Variants in ABTB2 observed in about 807,000 individuals in gnomAD.
ABTB2 encodes ankyrin repeat and BTB/POZ domain-containing protein 2.
Under a neutral mutation model 104.1 loss-of-function variants are expected in ABTB2, and 56 were observed. The observed-to-expected ratio is 0.54, with a 90% CI of 0.43 to 0.67. The LOEUF (loss-of-function observed/expected upper bound fraction) is 0.67. Ranked by LOEUF, ABTB2 falls within the 30% of genes least tolerant of loss-of-function variation. The probability of loss-of-function intolerance (pLI) is 0.00; values close to 1 mark genes in which losing one functional copy is unlikely to be tolerated. For synonymous variants in ABTB2, 606 were observed against 608.2 expected (o/e 1.00, Z 0.05); for missense variants, 1,279 against 1,407.7 (o/e 0.91, Z 1.46).
intron 1 of ABTB2, among the ~76,000 whole-genome samples, chr11:34,282,698 T>C (rs1290010326): frequency 1.3e-5 from 2 of 151,482 alleles, no homozygotes; most frequent in African/African-American, 4.9e-5. Flanking sequence ...GGCTAATTTT[T>C]TTTTCTTTTT....
chr11:34,311,445 C>G (rs1187152492), intron 1 of ABTB2, among the ~76,000 whole-genome samples: 2 of 152,236 alleles, frequency 1.3e-5, no homozygotes, highest in African/African-American at 2.4e-5. Context: ...TAAGCTCACT[C>G]TAAAAACATC....
At chr11:34,293,215 T>A (rs1259488067) in intron 1 of ABTB2, among the ~76,000 whole-genome samples, 2 of 152,060 alleles carry the variant, frequency 1.3e-5, no homozygotes, top group African/African-American at 2.4e-5. Flanking sequence ...TGCCATTTAC[T>A]GATGTCGAGG....
chr11:34,291,821 A>T (rs987563774), intron 1 of ABTB2, among the ~76,000 whole-genome samples: 115 of 152,204 alleles, frequency 7.6e-4, no homozygotes, highest in African/African-American at 2.6e-3. Flanking sequence ...TTTAATTTTT[A>T]AAAAATTATT....
chr11:34,327,176 T>C (rs1228653892), intron 1 of ABTB2, among the ~76,000 whole-genome samples: 1 of 152,234 alleles, frequency 6.6e-6, no homozygotes, highest in Non-Finnish European at 1.5e-5. Flanking sequence ...GAAACTCACT[T>C]GGAATACGAT....
intron 3 of ABTB2, among the ~76,000 whole-genome samples, chr11:34,196,761 A>G (rs1336796288): frequency 6.6e-6 from 1 of 152,202 alleles, no homozygotes; most frequent in African/African-American, 2.4e-5. Context: ...CTATTCAACC[A>G]CTAACCTGCT....
At chr11:34,312,560 C>A (rs967659308) in intron 1 of ABTB2, among the ~76,000 whole-genome samples, 4 of 152,208 alleles carry the variant, frequency 2.6e-5, no homozygotes, top group African/African-American at 9.6e-5. Context: ...TTTATTATTT[C>A]TGAATCAAAA....
intron 1 of ABTB2, among the ~76,000 whole-genome samples, chr11:34,265,580 C>T (rs886510163): frequency 6.7e-6 from 1 of 149,632 alleles, no homozygotes; most frequent in Non-Finnish European, 1.5e-5. Context: ...ATCGCTTGAA[C>T]CCGGGAGGTG....
chr11:34,341,969 C>T (rs986471861), intron 1 of ABTB2, among the ~76,000 whole-genome samples: 4 of 152,112 alleles, frequency 2.6e-5, no homozygotes, highest in African/African-American at 9.7e-5. Flanking sequence ...GAAAGGTTGC[C>T]ACATTTTCTG....
chr11:34,245,957 G>A (rs1432459761), intron 1 of ABTB2, among the ~76,000 whole-genome samples: 1 of 152,200 alleles, frequency 6.6e-6, no homozygotes, highest in East Asian at 1.9e-4. Flanking sequence ...CCCAGCAGGG[G>A]AGAGAGGCCC....
At chr11:34,214,139 A>ACACACACACACACACAC (rs1853519948) in intron 1 of ABTB2, among the ~76,000 whole-genome samples, 33 of 139,270 alleles carry the variant, frequency 2.4e-4, no homozygotes, top group African/African-American at 9.0e-4. Context: ...GCACATTCAA[A>ACACACACACACACACAC]ACACACACAC....
Position 34,194,254 on chromosome 11 carries a change from A to C in ABTB2, c.1244+3071T>G, listed in dbSNP as rs528085601. ...GCAGTAGAGGAGGTCACTTAATCCC[A>C]AACAAACCCAGAGAGCCACCAATCC... On this transcript the variant is annotated intron_variant, in intron 3 of 16. Transcript: ENST00000435224. Among the ~76,000 whole-genome samples the C allele has an allele frequency of 4.7e-4, 71 of 152,286 alleles. 1 individual carries two copies. Among genetic ancestry groups the C allele is most frequent in the African/African-American group, 1.6e-3 (67 of 41,550 alleles).
At chr11:34,167,217 T>C (rs776334308) in intron 7 of ABTB2, 42 bp downstream of exon 7, 1 of 1,542,886 alleles carries the variant, frequency 6.5e-7, no homozygotes, top group Admixed American at 1.9e-5. Flanking sequence ...CCAGGTCACC[T>C]GGTAAGCTGG....
intron 2 of ABTB2, among the ~76,000 whole-genome samples, chr11:34,202,759 G>A (rs1310051765): frequency 6.6e-6 from 1 of 152,156 alleles, no homozygotes. Flanking sequence ...AGAATCTCTT[G>A]AATCTGGAGG....
intron 1 of ABTB2, among the ~76,000 whole-genome samples, chr11:34,238,144 C>G (rs1246850086): frequency 6.6e-6 from 1 of 152,188 alleles, no homozygotes; most frequent in Admixed American, 6.5e-5. Context: ...TCTCTGGCTA[C>G]CCACACTAGC....
At chr11:34,241,201 A>G (rs1041604903) in intron 1 of ABTB2, among the ~76,000 whole-genome samples, 2 of 152,208 alleles carry the variant, frequency 1.3e-5, no homozygotes, top group Admixed American at 1.3e-4. Context: ...TCATCTGTAC[A>G]GCGGGAATAA....
chr11:34,204,140 G>A (rs1853376990), intron 2 of ABTB2, among the ~76,000 whole-genome samples: 1 of 152,112 alleles, frequency 6.6e-6, no homozygotes, highest in African/African-American at 2.4e-5. Flanking sequence ...CTTTGGGTGT[G>A]CTTTCTTTCG....
At chr11:34,230,677 A>G (rs1853756872) in intron 1 of ABTB2, among the ~76,000 whole-genome samples, 1 of 152,100 alleles carries the variant, frequency 6.6e-6, no homozygotes, top group African/African-American at 2.4e-5. Context: ...AGGACCTTCC[A>G]TGGTGTCTGC....
intron 9 of ABTB2, 98 bp from the exon 10 acceptor site, chr11:34,162,903 C>G (rs1029428238): frequency 8.2e-7 from 1 of 1,213,040 alleles, no homozygotes; most frequent in Non-Finnish European, 1.1e-6. Context: ...ACGGGCTGCT[C>G]TGGGGTACCC....
chr11:34,230,751 A>G (rs1853757622), intron 1 of ABTB2, among the ~76,000 whole-genome samples: 1 of 152,136 alleles, frequency 6.6e-6, no homozygotes, highest in Non-Finnish European at 1.5e-5. Flanking sequence ...TCTTATTTCC[A>G]TCATGAAATC....
Sources: allele counts gnomAD v4.1 joint callset (sites outside exome capture counted in the v4.1 genomes callset), GRCh38; gene constraint gnomAD v4.1.1; transcripts MANE v1.5; gene names NCBI Gene and HGNC (gene_info 2026-07-23, HGNC 2026-07-21).